Variants in PREX2 observed in about 807,000 individuals in gnomAD.
PREX2 encodes phosphatidylinositol 3,4,5-trisphosphate-dependent Rac exchanger 2 protein.
PREX2 carries 107 observed loss-of-function variants against 203.2 expected under a neutral mutation model. That is an observed-to-expected ratio of 0.53 (90% CI 0.45 to 0.62). The LOEUF is 0.62. Among genes scored for constraint, PREX2 ranks in the 20% least tolerant of loss-of-function variants. The pLI is 0.00. For synonymous variants in PREX2, 672 were observed against 663.6 expected, an observed-to-expected ratio of 1.01 and a Z score of -0.19; for missense variants, 1,777 against 1,955.9, an observed-to-expected ratio of 0.91 and a Z score of 1.72.
intron 3 of PREX2, among the ~76,000 whole-genome samples, chr8:68,020,127 A>G (rs1807526164): frequency 6.6e-6 from 1 of 152,170 alleles, no homozygotes; most frequent in Non-Finnish European, 1.5e-5. Flanking sequence ...ATTTTCCCCA[A>G]GGATGGTTTC....
chr8:67,996,280 C>T (rs1178496158), intron 1 of PREX2, among the ~76,000 whole-genome samples: 1 of 152,112 alleles, frequency 6.6e-6, no homozygotes, highest in Non-Finnish European at 1.5e-5. Context: ...ACTGCAGCCT[C>T]AACCTCCCAG....
chr8:67,960,278 G>A (rs964647889), intron 1 of PREX2, among the ~76,000 whole-genome samples: 5 of 152,122 alleles, frequency 3.3e-5, no homozygotes, highest in Non-Finnish European at 7.3e-5. Context: ...CTGAGCTACG[G>A]AAGTTCCCCC....
At chr8:68,169,136 G>A (rs1478983693) in intron 35 of PREX2, among the ~76,000 whole-genome samples, 1 of 152,032 alleles carries the variant, frequency 6.6e-6, no homozygotes, top group Non-Finnish European at 1.5e-5. Flanking sequence ...TCTTTCCTCT[G>A]TGTGGCCTTC....
intron 7 of PREX2, among the ~76,000 whole-genome samples, chr8:68,043,147 G>A (rs1485790971): frequency 6.6e-6 from 1 of 152,066 alleles, no homozygotes; most frequent in Non-Finnish European, 1.5e-5. Flanking sequence ...TCAACCTCCT[G>A]TGAGGCCAAT....
At chr8:68,141,049 A>G (rs190659406) in intron 33 of PREX2, among the ~76,000 whole-genome samples, 483 of 152,320 alleles carry the variant, frequency 3.2e-3, no homozygotes, top group Non-Finnish European at 5.4e-3. Context: ...TGCAAATTAA[A>G]CAAGGCTTTT....
intron 18 of PREX2, among the ~76,000 whole-genome samples, chr8:68,087,441 C>G (rs1185038153): frequency 1.3e-5 from 2 of 152,162 alleles, no homozygotes; most frequent in South Asian, 2.1e-4. Context: ...ATGTGAGGAT[C>G]ACTGGGACAG....
intron 31 of PREX2, among the ~76,000 whole-genome samples, chr8:68,131,185 G>A (rs1258478378): frequency 6.6e-6 from 1 of 152,192 alleles, no homozygotes; most frequent in African/African-American, 2.4e-5. Flanking sequence ...GGAATGAATG[G>A]AGGGAAGTGG....
chr8:68,038,005 C>A (rs1296249111), intron 6 of PREX2, among the ~76,000 whole-genome samples, 154 bp from the exon 7 acceptor site: 1 of 152,098 alleles, frequency 6.6e-6, no homozygotes, highest in Non-Finnish European at 1.5e-5. Context: ...AGGGGCCCTC[C>A]AATCAGTGTA....
intron 15 of PREX2, among the ~76,000 whole-genome samples, chr8:68,079,090 TG>T (rs2129611855): frequency 6.6e-6 from 1 of 152,216 alleles, no homozygotes; most frequent in South Asian, 2.1e-4. Context: ...GAGGCCAAGG[TG>T]GGAGGTATTG....
chr8:68,106,136 A>G, intron 23 of PREX2: 2 of 334,212 alleles, frequency 6.0e-6, no homozygotes, highest in South Asian at 4.8e-5. Context: ...GAATGGATGG[A>G]TAATTGTTTA....
chr8:68,120,179 A>G lies in PREX2; in HGVS notation c.3505-17A>G. On this transcript the variant is annotated splice_polypyrimidine_tract_variant and intron_variant, in intron 28 of 39. Transcript: ENST00000288368. ...ACTATGAGAAATATGTAACTCGGAA[A>G]TCTCTACTATTGATAGGTGGATTCA... 1 of 1,531,848 alleles carries G rather than the reference A, an allele frequency of 6.5e-7. No individual in the cohort carries two copies. The highest frequency in any genetic ancestry group is 1.7e-5 in the Admixed American group (1 of 59,468). The allele number at this position is 1,531,848 out of a possible 1,614,324, so 94.9% of individuals were successfully genotyped here.
chr8:68,220,434 A>C (rs920705529), intron 38 of PREX2: 1 of 152,194 alleles, frequency 6.6e-6, no homozygotes, highest in African/African-American at 2.4e-5. Flanking sequence ...GGCAGCCTAG[A>C]AAGAAATGTC....
chr8:68,087,717 G>C lies in PREX2; in HGVS notation c.2028-7G>C. On this transcript the variant is annotated splice_polypyrimidine_tract_variant and splice_region_variant and intron_variant, in intron 18 of 39. Transcript: ENST00000288368. ...CTTCATCTTACCTTATTTTCTGATT[G>C]ATTTAGGACAGTGAAAATTCCAGAT... is the stretch of plus-strand genomic sequence containing the variant. The C allele has an allele frequency of 6.2e-7, 1 of 1,606,498 alleles. No homozygotes were observed. The highest frequency in any genetic ancestry group is 8.5e-7 in the Non-Finnish European group (1 of 1,173,158).
chr8:68,209,202 T>C (rs1812700754), intron 37 of PREX2, among the ~76,000 whole-genome samples: 1 of 152,110 alleles, frequency 6.6e-6, no homozygotes, highest in South Asian at 2.1e-4. Context: ...TTAGTTCTCT[T>C]GGGGTTGAAA....
chr8:68,158,659 C>T (rs1585835179), intron 35 of PREX2, among the ~76,000 whole-genome samples: 1 of 151,990 alleles, frequency 6.6e-6, no homozygotes, highest in Admixed American at 6.6e-5. Flanking sequence ...ATGGTGATAG[C>T]CAGCAGTTTC....
At chr8:68,057,281 C>A (rs1554571966) in intron 10 of PREX2, among the ~76,000 whole-genome samples, 1 of 152,188 alleles carries the variant, frequency 6.6e-6, no homozygotes, top group Non-Finnish European at 1.5e-5. Context: ...GCTTTCCCAG[C>A]CATGCAGAAC....
intron 1 of PREX2, among the ~76,000 whole-genome samples, chr8:67,987,152 CAAAAAAAAA>C (rs57315665): frequency 1.8e-5 from 1 of 55,108 alleles, no homozygotes; most frequent in East Asian, 5.4e-4. Flanking sequence ...GACTTCATCT[CAAAAAAAAA>C]AAAAAAAAAA....
Position 68,055,914 on chromosome 8 carries a change from G to A in PREX2, c.1178G>A (p.Gly393Glu). ...EKLYKMMCRQGNLIKDRKRKL... is the reference protein window; with the variant it reads ...EKLYKMMCRQENLIKDRKRKL... ...CTTTATAAAATGATGTGCAGACAAGGAAATCTGATCAAAGACCGAAAGAGA... is the reference window on the plus strand; with the variant it reads ...CTTTATAAAATGATGTGCAGACAAGAAAATCTGATCAAAGACCGAAAGAGA... The change falls in exon 10 of 40, where the codon GGA (glycine) becomes GAA (glutamate). Residue 393 changes from glycine (G) to glutamate (E), a missense_variant. By Grantham distance (98) the Gly-to-Glu change is moderately conservative (BLOSUM62 -2). Coordinates refer to ENST00000288368, the MANE Select transcript of PREX2 (RefSeq NM_024870.4). 6.2e-7 allele frequency: 1 copy of A among 1,613,292 alleles called. No homozygotes were observed. The highest frequency in any genetic ancestry group is 8.5e-7 in the Non-Finnish European group (1 of 1,179,360).
intron 35 of PREX2, among the ~76,000 whole-genome samples, chr8:68,188,152 A>G (rs750149722): frequency 6.6e-6 from 1 of 152,184 alleles, no homozygotes; most frequent in Non-Finnish European, 1.5e-5. Flanking sequence ...AAACTCAACC[A>G]AATCACTCAC....
Sources: allele counts gnomAD v4.1 joint callset (sites outside exome capture counted in the v4.1 genomes callset), GRCh38; gene constraint gnomAD v4.1.1; transcripts MANE v1.5; gene names NCBI Gene and HGNC (gene_info 2026-07-23, HGNC 2026-07-21).